HS3ST4: variants seen among roughly 807,000 people sequenced by gnomAD.
HS3ST4 encodes the protein heparan sulfate-glucosamine 3-sulfotransferase 4.
Under a neutral mutation model 29.2 loss-of-function variants are expected in HS3ST4, and 17 were observed. That is an observed-to-expected ratio of 0.58 (90% CI 0.40 to 0.87). The LOEUF is 0.87. Ranked by LOEUF, HS3ST4 falls within the 40% of genes least tolerant of loss-of-function variation. HS3ST4 has a pLI of 0.00. For synonymous variants in HS3ST4, 314 were observed against 285.7 expected (o/e 1.10, Z -1.00); for missense variants, 627 against 634.5 (o/e 0.99, Z 0.13).
intron 1 of HS3ST4, among the ~76,000 whole-genome samples, chr16:25,800,637 T>C (rs972842697): frequency 6.6e-6 from 1 of 152,188 alleles, no homozygotes; most frequent in African/African-American, 2.4e-5. Context: ...AGAGTTAGTG[T>C]GCATGAGAAT....
intron 1 of HS3ST4, among the ~76,000 whole-genome samples, chr16:25,736,048 T>G (rs556684232): frequency 1.3e-5 from 2 of 152,358 alleles, no homozygotes; most frequent in African/African-American, 4.8e-5. Context: ...TACCTAACTT[T>G]GCAATACTTC....
chr16:25,766,509 T>A (rs1966819998), intron 1 of HS3ST4, among the ~76,000 whole-genome samples: 1 of 152,236 alleles, frequency 6.6e-6, no homozygotes, highest in East Asian at 1.9e-4. Flanking sequence ...TGTCTGTTTT[T>A]CCTGTCCACT....
intron 1 of HS3ST4, among the ~76,000 whole-genome samples, chr16:25,828,238 CTT>C (rs770803360): frequency 1.2e-5 from 1 of 86,944 alleles, no homozygotes; most frequent in Non-Finnish European, 2.3e-5. Context: ...TTCTTTCTTT[CTT>C]TCTCTTTCTT....
intron 1 of HS3ST4, among the ~76,000 whole-genome samples, chr16:25,898,731 C>T (rs944168703): frequency 2.0e-5 from 3 of 152,324 alleles, no homozygotes; most frequent in Admixed American, 2.0e-4. Flanking sequence ...GAGCTGTTGA[C>T]AAGGCACTCT....
intron 1 of HS3ST4, among the ~76,000 whole-genome samples, chr16:25,873,556 CT>C (rs1967791115): frequency 6.6e-6 from 1 of 151,008 alleles, no homozygotes; most frequent in Non-Finnish European, 1.5e-5. Flanking sequence ...ATCTATCTGT[CT>C]ATACATCCAT....
At chr16:25,915,594 A>G (rs1296977959) in intron 1 of HS3ST4, among the ~76,000 whole-genome samples, 1 of 152,206 alleles carries the variant, frequency 6.6e-6, no homozygotes, top group African/African-American at 2.4e-5. Context: ...CCATCATCAT[A>G]TCAGACCAGG....
intron 1 of HS3ST4, among the ~76,000 whole-genome samples, chr16:25,760,822 AT>A (rs1195856721): frequency 6.6e-6 from 1 of 152,152 alleles, no homozygotes; most frequent in Non-Finnish European, 1.5e-5. Context: ...TACAATGTTT[AT>A]TTTGTGGGGA....
intron 1 of HS3ST4, among the ~76,000 whole-genome samples, chr16:25,865,059 C>T (rs1967680803): frequency 1.3e-5 from 2 of 152,108 alleles, no homozygotes; most frequent in South Asian, 4.2e-4. Context: ...TCAGTGGACA[C>T]TTAGGCTGAT....
intron 1 of HS3ST4, among the ~76,000 whole-genome samples, chr16:25,777,539 C>T (rs1044374172): frequency 2.6e-5 from 4 of 151,964 alleles, no homozygotes; most frequent in African/African-American, 4.8e-5. Flanking sequence ...GAGGCTGAGG[C>T]GGGTGGATCA....
At chr16:26,034,822 GTAAA>G (rs900701433) in intron 1 of HS3ST4, among the ~76,000 whole-genome samples, 22 of 152,060 alleles carry the variant, frequency 1.4e-4, no homozygotes, top group Non-Finnish European at 3.2e-4. Context: ...AAATAAATAA[GTAAA>G]TAAATAATTA....
chr16:25,935,999 T>C (rs1301311273), intron 1 of HS3ST4, among the ~76,000 whole-genome samples: 2 of 152,168 alleles, frequency 1.3e-5, no homozygotes, highest in African/African-American at 4.8e-5. Context: ...GCTGAACTTC[T>C]GGGTTTAAGC....
rs1002858535 is a variant in HS3ST4 at position 26,115,553 on chromosome 16, A to G, written c.735-20059A>G. ...AATGGTACGTATTATTCTATGCATG[A>G]AGCCATCCATTTGGACCTGGAAAAA... is the stretch of plus-strand genomic sequence containing the variant. On this transcript the variant is annotated intron_variant, in intron 1 of 1. Coordinates refer to ENST00000331351, the MANE Select transcript of HS3ST4 (RefSeq NM_006040.3). Among the ~76,000 whole-genome samples the G allele has an allele frequency of 2.0e-5, 3 of 152,178 alleles. No individual in the cohort carries two copies. The East Asian group carries it at 5.8e-4, about 29-fold the overall frequency.
chr16:26,010,340 G>A (rs1969298822), intron 1 of HS3ST4, among the ~76,000 whole-genome samples: 1 of 152,130 alleles, frequency 6.6e-6, no homozygotes, highest in South Asian at 2.1e-4. Context: ...TGTAATCCCA[G>A]CTCCTGGGGA....
At chr16:26,027,695 A>G (rs959131036) in intron 1 of HS3ST4, among the ~76,000 whole-genome samples, 7 of 152,264 alleles carry the variant, frequency 4.6e-5, no homozygotes, top group African/African-American at 1.7e-4. Context: ...GAAGCACATT[A>G]TAAATATGCT....
intron 1 of HS3ST4, among the ~76,000 whole-genome samples, chr16:26,114,946 T>G (rs907366293): frequency 2.0e-5 from 3 of 152,188 alleles, no homozygotes; most frequent in Admixed American, 1.3e-4. Context: ...TGGTCTTATT[T>G]GTCATAATGG....
intron 1 of HS3ST4, among the ~76,000 whole-genome samples, chr16:26,024,799 G>T (rs868069050): frequency 6.6e-6 from 1 of 152,184 alleles, no homozygotes; most frequent in South Asian, 2.1e-4. Context: ...TTTATCCTTT[G>T]TGTAATTCCA....
chr16:25,956,885 C>T (rs1343762418), intron 1 of HS3ST4, among the ~76,000 whole-genome samples: 1 of 150,544 alleles, frequency 6.6e-6, no homozygotes, highest in Non-Finnish European at 1.5e-5. Context: ...GTAATCTCAG[C>T]TACTTGGGAG....
rs1217211291 is a variant in HS3ST4, at chr16:25,999,844, TTA to T, written c.735-135760_735-135759del. ...TATATATTTATATATTATATATATT[TTA>T]TATATATTATATATATATTATATAT... On this transcript the variant is annotated intron_variant, in intron 1 of 1. Coordinates refer to ENST00000331351, the MANE Select transcript of HS3ST4 (RefSeq NM_006040.3). 4.5e-5 allele frequency among the ~76,000 whole-genome samples: 6 copies of T among 133,140 alleles called. No homozygotes were observed. In the South Asian group the frequency reaches 6.5e-4, roughly 14 times the overall value. 87.3% of individuals were successfully genotyped at this position (133,140 alleles called of 152,430 possible).
At chr16:26,125,245 C>T (rs1011114963) in intron 1 of HS3ST4, among the ~76,000 whole-genome samples, 2 of 152,184 alleles carry the variant, frequency 1.3e-5, no homozygotes, top group African/African-American at 2.4e-5. Flanking sequence ...ACTGGCACCA[C>T]GGACCAGTTT....
Sources: allele counts gnomAD v4.1 joint callset (sites outside exome capture counted in the v4.1 genomes callset), GRCh38; gene constraint gnomAD v4.1.1; transcripts MANE v1.5; gene names NCBI Gene and HGNC (gene_info 2026-07-23, HGNC 2026-07-21).